Variants in ZFAND3 observed in about 807,000 individuals in gnomAD.
ZFAND3 encodes AN1-type zinc finger protein 3.
ZFAND3 carries 10 observed loss-of-function variants against 29.6 expected under a neutral mutation model. The ratio of observed to expected loss-of-function variants is 0.34; its 90% CI spans 0.21 to 0.57. ZFAND3 has a LOEUF of 0.57. Ranked by LOEUF, ZFAND3 falls within the 20% of genes least tolerant of loss-of-function variation. The pLI is 0.86. For missense variants in ZFAND3, 230 were observed against 304.5 expected, an observed-to-expected ratio of 0.76 and a Z score of 1.82; for synonymous variants, 128 against 112.6, an observed-to-expected ratio of 1.14 and a Z score of -0.87.
intron 2 of ZFAND3, among the ~76,000 whole-genome samples, chr6:37,984,905 G>A (rs1475144657): frequency 2.6e-5 from 4 of 152,186 alleles, no homozygotes; most frequent in Non-Finnish European, 1.5e-5. Context: ...TATGTGTTAC[G>A]TGTTCATGGG....
intron 2 of ZFAND3, among the ~76,000 whole-genome samples, chr6:37,965,202 T>C (rs1762271273): frequency 6.6e-6 from 1 of 152,188 alleles, no homozygotes; most frequent in South Asian, 2.1e-4. Flanking sequence ...GTCAAGTTAT[T>C]ATAAAATTTT....
intron 2 of ZFAND3, among the ~76,000 whole-genome samples, chr6:37,971,035 A>T (rs575724276): frequency 7.2e-5 from 11 of 152,350 alleles, no homozygotes; most frequent in South Asian, 6.2e-4. Context: ...TTGATGATGT[A>T]GTTTGTGATG....
At chr6:37,972,975 G>GA (rs35938774) in intron 2 of ZFAND3, among the ~76,000 whole-genome samples, 1 of 151,802 alleles carries the variant, frequency 6.6e-6, no homozygotes, top group South Asian at 2.1e-4. Flanking sequence ...AGTTTATTTT[G>GA]AAAAAAACTT....
intron 2 of ZFAND3, among the ~76,000 whole-genome samples, chr6:37,965,088 A>G (rs1279666144): frequency 2.0e-5 from 3 of 152,222 alleles, no homozygotes; most frequent in East Asian, 3.8e-4. Context: ...ACAATTCAGT[A>G]TTTTTGTAAA....
intron 4 of ZFAND3, among the ~76,000 whole-genome samples, chr6:38,108,518 C>T (rs1765252291): frequency 6.6e-6 from 1 of 152,182 alleles, no homozygotes; most frequent in South Asian, 2.1e-4. Context: ...GGTGCACCTC[C>T]AGAGTCTAAA....
At chr6:38,110,501 G>A (rs374472787) in intron 4 of ZFAND3, among the ~76,000 whole-genome samples, 16 of 152,006 alleles carry the variant, frequency 1.1e-4, no homozygotes, top group African/African-American at 3.4e-4. Flanking sequence ...GGTATTTTTC[G>A]TGGACAAAGG....
chr6:37,999,950 T>C (rs1391489730), intron 2 of ZFAND3, among the ~76,000 whole-genome samples: 1 of 152,220 alleles, frequency 6.6e-6, no homozygotes, highest in Admixed American at 6.5e-5. Flanking sequence ...TTCTCTGTAC[T>C]ATCCTGGCAA....
At chr6:37,883,623 A>G (rs887609006) in intron 1 of ZFAND3, among the ~76,000 whole-genome samples, 1 of 143,070 alleles carries the variant, frequency 7.0e-6, no homozygotes, top group African/African-American at 2.9e-5. Flanking sequence ...GCTCACTGCA[A>G]CCTCTGCCTC....
intron 3 of ZFAND3, among the ~76,000 whole-genome samples, chr6:38,073,374 G>A (rs1175552922): frequency 1.3e-5 from 2 of 151,294 alleles, no homozygotes; most frequent in Non-Finnish European, 2.9e-5. Flanking sequence ...GCTGAGTGGT[G>A]TCTCCATTAA....
At chr6:37,870,980 A>C (rs892832296) in intron 1 of ZFAND3, among the ~76,000 whole-genome samples, 1 of 152,122 alleles carries the variant, frequency 6.6e-6, no homozygotes, top group African/African-American at 2.4e-5. Context: ...TGTCCTGCTT[A>C]TGTTTCATTG....
At chr6:38,043,934 C>A (rs960906900) in intron 2 of ZFAND3, among the ~76,000 whole-genome samples, 1 of 152,084 alleles carries the variant, frequency 6.6e-6, no homozygotes, top group African/African-American at 2.4e-5. Flanking sequence ...TGAGCCCCTG[C>A]GCCTAGCCCA....
intron 1 of ZFAND3, among the ~76,000 whole-genome samples, chr6:37,827,902 C>T (rs1763788886): frequency 6.6e-6 from 1 of 152,204 alleles, no homozygotes; most frequent in Admixed American, 6.5e-5. Context: ...CAAGCCACAC[C>T]AGAGCATTTT....
At chr6:38,120,860 G>GT (rs779852945) in intron 5 of ZFAND3, among the ~76,000 whole-genome samples, 4 of 152,180 alleles carry the variant, frequency 2.6e-5, no homozygotes, top group Non-Finnish European at 5.9e-5. Flanking sequence ...GAAGTGATGT[G>GT]TTAGCTGGGG....
At chr6:37,952,694 T>A (rs1201040254) in intron 2 of ZFAND3, among the ~76,000 whole-genome samples, 1 of 152,106 alleles carries the variant, frequency 6.6e-6, no homozygotes, top group Non-Finnish European at 1.5e-5. Context: ...GGATTCTAGG[T>A]CCATAGTGAG....
chr6:37,820,155 G>GTCGCGT (rs1322889532), intron 1 of ZFAND3, 139 bp downstream of exon 1: 1 of 389,724 alleles, frequency 2.6e-6, no homozygotes, highest in Non-Finnish European at 3.9e-6. Context: ...GGGGGTGGGG[G>GTCGCGT]TCGCGTTCCG....
At chr6:37,997,586 G>A (rs1437522346) in intron 2 of ZFAND3, among the ~76,000 whole-genome samples, 1 of 152,168 alleles carries the variant, frequency 6.6e-6, no homozygotes, top group African/African-American at 2.4e-5. Context: ...CTGCAAGGAG[G>A]GAGGGATAGC....
At chr6:37,905,202 A>G (rs867495690) in intron 1 of ZFAND3, among the ~76,000 whole-genome samples, 65 of 152,276 alleles carry the variant, frequency 4.3e-4, no homozygotes, top group African/African-American at 1.2e-3. Context: ...TGTTTGACAA[A>G]ATATAAATTT....
intron 2 of ZFAND3, among the ~76,000 whole-genome samples, chr6:37,933,458 G>A (rs1761635634): frequency 6.6e-6 from 1 of 152,162 alleles, no homozygotes; most frequent in African/African-American, 2.4e-5. Context: ...TGACCCAATA[G>A]CCATCATTAC....
chr6:38,090,451 T>C (rs1048219300), intron 4 of ZFAND3, among the ~76,000 whole-genome samples: 8 of 152,230 alleles, frequency 5.3e-5, no homozygotes, highest in African/African-American at 1.9e-4. Context: ...ACTCATCATC[T>C]TGGGTCCTGA....
Sources: allele counts gnomAD v4.1 joint callset (sites outside exome capture counted in the v4.1 genomes callset), GRCh38; gene constraint gnomAD v4.1.1; transcripts MANE v1.5; gene names NCBI Gene and HGNC (gene_info 2026-07-23, HGNC 2026-07-21).